The following JAKMIP3 variants were observed in gnomAD, a reference collection of about 807,000 sequenced individuals.
The protein encoded by JAKMIP3 is Janus kinase and microtubule interacting protein 3.
In JAKMIP3, 58 loss-of-function variants were observed where a neutral mutation model predicts 118.5. The ratio of observed to expected loss-of-function variants is 0.49; its 90% confidence interval spans 0.40 to 0.61. The LOEUF is 0.61. Among genes scored for constraint, JAKMIP3 ranks in the 20% least tolerant of loss-of-function variants. JAKMIP3 has a pLI of 0.00. For synonymous variants in JAKMIP3, 486 were observed against 451.2 expected, an observed-to-expected ratio of 1.08 and a Z score of -0.98; for missense variants, 950 against 1,109.0, an observed-to-expected ratio of 0.86 and a Z score of 2.04.
chr10:132,153,728 T>C (rs1401663554), intron 17 of JAKMIP3, 31 bp from the exon 18 acceptor site: 1 of 1,610,192 alleles, frequency 6.2e-7, no homozygotes, highest in Non-Finnish European at 8.5e-7. Context: ...ACCCTAGGGG[T>C]CACTGTCCTG....
rs1022981415 is a variant in JAKMIP3, at chr10:132,137,283, C to T, written c.1278C>T (p.Ser426=). ...TTGAGACCGCCGGCTACGTGAAGAG[C>T]GTGTTAGTAAGTATGGTCAGCGCCC... is the stretch of plus-strand genomic sequence containing the variant. ...KTLETAGYVK[S]VLERDKLLRF... is the part of the protein sequence containing the mutation. Residue 426 remains serine (S), a synonymous_variant, in exon 8 of 24, where the codon AGC becomes AGT. Coordinates refer to ENST00000684848, the MANE Select transcript of JAKMIP3 (RefSeq NM_001323087.2). 6.2e-6 allele frequency: 10 copies of T among 1,613,818 alleles called. No individual in the cohort carries two copies. Among genetic ancestry groups the T allele is most frequent in the East Asian group, 2.2e-5 (1 of 44,878 alleles).
chr10:132,063,297 G>A (rs1220373439), upstream of JAKMIP3, among the ~76,000 whole-genome samples: 1 of 152,182 alleles, frequency 6.6e-6, no homozygotes, highest in Non-Finnish European at 1.5e-5. Context: ...GAGGCCTGCT[G>A]TTTAAGCCTC....
chr10:132,097,387 G>A (rs555777167), intron 1 of JAKMIP3, among the ~76,000 whole-genome samples: 41 of 152,272 alleles, frequency 2.7e-4, no homozygotes, highest in African/African-American at 9.4e-4. Context: ...GCAGTGAGAA[G>A]GTTGAGCTGT....
At chr10:132,080,668 T>C (rs2041642646) in intron 1 of JAKMIP3, among the ~76,000 whole-genome samples, 1 of 151,824 alleles carries the variant, frequency 6.6e-6, no homozygotes. Flanking sequence ...ACTACAGGCA[T>C]GTGCCACCAT....
At chr10:132,073,780 G>A (rs185137664) in intron 1 of JAKMIP3, among the ~76,000 whole-genome samples, 1 of 152,100 alleles carries the variant, frequency 6.6e-6, no homozygotes, top group Non-Finnish European at 1.5e-5. Context: ...TTACAGGTGT[G>A]AGCCACCACA....
intron 1 of JAKMIP3, among the ~76,000 whole-genome samples, chr10:132,041,458 T>G (rs761662994): frequency 6.6e-6 from 1 of 152,250 alleles, no homozygotes; most frequent in East Asian, 1.9e-4. Flanking sequence ...TTCTGGGAGC[T>G]GCTGCCCCGG....
chr10:132,104,926 C>G lies in JAKMIP3; in HGVS notation c.118C>G (p.Gln40Glu). Residue 40 changes from glutamine (Q) to glutamate (E), a missense_variant, in exon 2 of 24, where the codon CAG becomes GAG. Physicochemically the swap from Gln to Glu is conservative, Grantham distance 29 (BLOSUM62 2). Transcript: ENST00000684848. Reference protein sequence around the residue: ...AKLTDIQIELQQEKSKVSKVE... With the variant: ...AKLTDIQIELEQEKSKVSKVE... Reference sequence around the variant, plus strand: ...GCTCACAGACATCCAGATCGAGCTGCAGCAGGAGAAGAGCAAGGTGGGCGC... The same window carrying G: ...GCTCACAGACATCCAGATCGAGCTGGAGCAGGAGAAGAGCAAGGTGGGCGC... 6.3e-7 allele frequency: 1 copy of G among 1,592,026 alleles called. No homozygotes were observed. The highest frequency in any genetic ancestry group is 2.3e-5 in the East Asian group (1 of 43,462).
intron 1 of JAKMIP3, among the ~76,000 whole-genome samples, chr10:132,057,638 G>T (rs1589724872): frequency 6.6e-6 from 1 of 152,240 alleles, no homozygotes; most frequent in Admixed American, 6.5e-5. Flanking sequence ...CTGCACGTGT[G>T]TGTTCTCCGC....
chr10:132,163,486 C>T, intron 20 of JAKMIP3, 74 bp downstream of exon 20: 2 of 1,347,966 alleles, frequency 1.5e-6, no homozygotes, highest in East Asian at 2.5e-5. Context: ...GGGGTCCTCC[C>T]ACGGCCACAC....
At chr10:132,070,755 A>G (rs893903622) in intron 1 of JAKMIP3, among the ~76,000 whole-genome samples, 5 of 152,200 alleles carry the variant, frequency 3.3e-5, no homozygotes, top group African/African-American at 9.6e-5. Flanking sequence ...TGATCTGGGC[A>G]TGGTGGCACA....
intron 1 of JAKMIP3, among the ~76,000 whole-genome samples, chr10:132,090,499 G>T (rs920721766): frequency 2.6e-5 from 4 of 152,208 alleles, no homozygotes; most frequent in African/African-American, 9.7e-5. Context: ...TATTTGCGTA[G>T]AGGTGTTTAT....
At chr10:132,149,094 C>T (rs1005523734) in intron 14 of JAKMIP3, among the ~76,000 whole-genome samples, 4 of 152,168 alleles carry the variant, frequency 2.6e-5, no homozygotes, top group Non-Finnish European at 5.9e-5. Flanking sequence ...TCCCCTGATC[C>T]TCCCCATAGC....
chr10:132,119,220 G>A (rs1046309843), intron 3 of JAKMIP3, among the ~76,000 whole-genome samples: 5 of 151,874 alleles, frequency 3.3e-5, no homozygotes, highest in Non-Finnish European at 7.4e-5. Context: ...CGGGCAAGCT[G>A]GTCCTAAAAC....
intron 23 of JAKMIP3, among the ~76,000 whole-genome samples, chr10:132,169,537 G>C (rs1181840399): frequency 6.6e-6 from 1 of 152,168 alleles, no homozygotes; most frequent in Non-Finnish European, 1.5e-5. Flanking sequence ...TCGCCAGCGG[G>C]GTTCCCTATG....
chr10:132,096,210 G>C (rs1209511358), intron 1 of JAKMIP3, among the ~76,000 whole-genome samples: 3 of 152,230 alleles, frequency 2.0e-5, no homozygotes, highest in African/African-American at 7.2e-5. Flanking sequence ...TTTGTTTTTA[G>C]TTCTGATATT....
intron 1 of JAKMIP3, among the ~76,000 whole-genome samples, chr10:132,053,892 C>A (rs142481885): frequency 0.036 from 5,507 of 152,054 alleles, 284 homozygotes; most frequent in East Asian, 0.24. Flanking sequence ...AAAAAATTAG[C>A]CGGGCATGGT....
chr10:132,046,830 G>A (rs746155129), intron 1 of JAKMIP3, among the ~76,000 whole-genome samples: 3 of 152,288 alleles, frequency 2.0e-5, no homozygotes, highest in East Asian at 1.9e-4. Flanking sequence ...GGAACTTGCC[G>A]CTTGGGAACA....
intron 2 of JAKMIP3, among the ~76,000 whole-genome samples, chr10:132,115,989 G>A (rs550062878): frequency 6.6e-6 from 1 of 152,346 alleles, no homozygotes; most frequent in East Asian, 1.9e-4. Flanking sequence ...TGGCAGCAGA[G>A]CCTGGCCCAC....
intron 3 of JAKMIP3, among the ~76,000 whole-genome samples, chr10:132,120,646 G>A (rs1222910978): frequency 1.3e-5 from 2 of 152,248 alleles, no homozygotes; most frequent in Non-Finnish European, 2.9e-5. Context: ...TGCCCTGAGG[G>A]TGTCAGCTGT....
Sources: allele counts gnomAD v4.1 joint callset (sites outside exome capture counted in the v4.1 genomes callset), GRCh38; gene constraint gnomAD v4.1.1; transcripts MANE v1.5; gene names NCBI Gene and HGNC (gene_info 2026-07-23, HGNC 2026-07-21).